Variants in ARHGEF28 observed in about 807,000 individuals in gnomAD.
ARHGEF28 encodes 190 kDa guanine nucleotide exchange factor.
A neutral mutation model predicts 206.6 loss-of-function variants in ARHGEF28; 152 were observed. The ratio of observed to expected loss-of-function variants is 0.74; its 90% CI spans 0.64 to 0.84. The LOEUF is 0.84. Ranked by LOEUF, ARHGEF28 falls within the 40% of genes least tolerant of loss-of-function variation. The pLI is 0.00. For missense variants in ARHGEF28, 2,028 were observed against 2,073.2 expected (o/e 0.98, Z 0.42); for synonymous variants, 763 against 776.4 (o/e 0.98, Z 0.29).
intron 10 of ARHGEF28, among the ~76,000 whole-genome samples, chr5:73,837,310 C>T (rs886640844): frequency 2.6e-5 from 4 of 152,120 alleles, no homozygotes; most frequent in Non-Finnish European, 5.9e-5. Flanking sequence ...GGATATCTTT[C>T]ATATGAATTC....
chr5:73,632,753 T>C (rs1460043951), intron 1 of ARHGEF28, among the ~76,000 whole-genome samples: 3 of 152,178 alleles, frequency 2.0e-5, no homozygotes, highest in Non-Finnish European at 4.4e-5. Flanking sequence ...TCCAATTCAC[T>C]ATTTTCTTTT....
At chr5:73,854,723 T>C (rs1425097349) in intron 14 of ARHGEF28, among the ~76,000 whole-genome samples, 2 of 151,868 alleles carry the variant, frequency 1.3e-5, no homozygotes. Context: ...TCACAGCTAC[T>C]CAGGAGGCTG....
At chr5:73,725,910 C>A in intron 2 of ARHGEF28, among the ~76,000 whole-genome samples, 1 of 152,222 alleles carries the variant, frequency 6.6e-6, no homozygotes, top group Non-Finnish European at 1.5e-5. Flanking sequence ...TAAGTATCAA[C>A]CCTTTATTCT....
At chr5:73,780,397 A>G (rs1244420607) in intron 6 of ARHGEF28, 5 of 399,874 alleles carry the variant, frequency 1.3e-5, no homozygotes, top group African/African-American at 6.1e-5. Context: ...TGGTACATGC[A>G]TGATATTCCT....
intron 9 of ARHGEF28, among the ~76,000 whole-genome samples, chr5:73,801,566 T>C (rs1473660599): frequency 6.6e-6 from 1 of 151,826 alleles, no homozygotes; most frequent in Non-Finnish European, 1.5e-5. Flanking sequence ...TAATAACACA[T>C]GTGTATCTAG....
intron 2 of ARHGEF28, among the ~76,000 whole-genome samples, chr5:73,687,996 A>G (rs923951978): frequency 6.6e-6 from 1 of 152,176 alleles, no homozygotes. Flanking sequence ...AATCCTACTT[A>G]GTTATTTTGA....
chr5:73,909,992 A>G (rs1012898662), intron 34 of ARHGEF28, 95 bp downstream of exon 34: 1 of 1,406,134 alleles, frequency 7.1e-7, no homozygotes, highest in Non-Finnish European at 9.2e-7. Context: ...GTCATTTTGG[A>G]TTTGTGTAAG....
intron 4 of ARHGEF28, among the ~76,000 whole-genome samples, chr5:73,771,355 A>G (rs907357451): frequency 6.6e-6 from 1 of 152,090 alleles, no homozygotes; most frequent in African/African-American, 2.4e-5. Context: ...CCAGACTGGC[A>G]TGGCCAACAT....
At chr5:73,859,774 C>A (rs1759275570) in intron 16 of ARHGEF28, among the ~76,000 whole-genome samples, 2 of 152,130 alleles carry the variant, frequency 1.3e-5, no homozygotes, top group Non-Finnish European at 2.9e-5. Flanking sequence ...TGTTGTTCCA[C>A]CCTTGTGGGT....
intron 2 of ARHGEF28, among the ~76,000 whole-genome samples, chr5:73,714,046 T>C (rs1279416050): frequency 6.6e-6 from 1 of 152,198 alleles, no homozygotes; most frequent in African/African-American, 2.4e-5. Flanking sequence ...TCAAGCTACA[T>C]CTCTTGTATT....
Position 73,941,639 on chromosome 5 carries a change from A to G in ARHGEF28, c.*626A>G, listed in dbSNP as rs1180187556. 1 of 152,264 alleles carries G rather than the reference A, an allele frequency of 6.6e-6. No homozygotes were observed. The highest frequency in any genetic ancestry group is 2.4e-5 in the African/African-American group (1 of 41,444). 9.4% of individuals were successfully genotyped at this position (152,264 alleles called of 1,614,324 possible). ...CTGGTGGGGTTTCAAGACATGGTTC[A>G]GCATCATCTTTTAACAAGGCCCAGA... On this transcript the variant is annotated 3_prime_UTR_variant, in exon 36 of 36. Transcript: ENST00000513042.
chr5:73,720,430 G>A lies in ARHGEF28; in HGVS notation c.34-29407G>A, dbSNP rs566397420. On this transcript the variant is annotated intron_variant, in intron 2 of 35. Transcript: ENST00000513042. ...GACAAAGGAGTAGTCATCAAAAATA[G>A]CAGGCAGAGAGAGGTCAGGAGAGAT... Among the ~76,000 whole-genome samples, 7 of 152,310 alleles carry A rather than the reference G, an allele frequency of 4.6e-5. No homozygotes were observed. In the South Asian group the frequency reaches 1.0e-3, roughly 23 times the overall value.
chr5:73,723,013 G>A (rs1191051220), intron 2 of ARHGEF28, among the ~76,000 whole-genome samples: 2 of 152,078 alleles, frequency 1.3e-5, no homozygotes, highest in Non-Finnish European at 2.9e-5. Context: ...GTAGTATGAA[G>A]ATATATTTTA....
intron 26 of ARHGEF28, among the ~76,000 whole-genome samples, chr5:73,888,737 C>T (rs370631453): frequency 2.9e-4 from 44 of 152,096 alleles, no homozygotes; most frequent in African/African-American, 6.8e-4. Context: ...ACTTAGAGCG[C>T]GCCTGGAAAT....
chr5:73,706,115 A>G (rs900664346), intron 2 of ARHGEF28, among the ~76,000 whole-genome samples: 4 of 152,024 alleles, frequency 2.6e-5, no homozygotes, highest in African/African-American at 9.7e-5. Context: ...CTTGGGCCAC[A>G]CTCCTTCAGG....
At chr5:73,924,243 A>T (rs1763680577) in intron 35 of ARHGEF28, among the ~76,000 whole-genome samples, 1 of 152,220 alleles carries the variant, frequency 6.6e-6, no homozygotes, top group South Asian at 2.1e-4. Context: ...CACTTTATTT[A>T]TACTGAACAA....
chr5:73,749,726 A>G, intron 2 of ARHGEF28, 111 bp from the exon 3 acceptor site: 2 of 1,194,790 alleles, frequency 1.7e-6, no homozygotes. Flanking sequence ...ACTCAACCAC[A>G]TGAAGTGAAC....
chr5:73,921,358 A>G (rs1326167481), intron 35 of ARHGEF28, among the ~76,000 whole-genome samples: 3 of 152,340 alleles, frequency 2.0e-5, no homozygotes, highest in African/African-American at 7.2e-5. Context: ...ACCTTTGACC[A>G]GATGATAAAT....
At chr5:73,918,918 C>T (rs987260313) in intron 35 of ARHGEF28, among the ~76,000 whole-genome samples, 4 of 152,278 alleles carry the variant, frequency 2.6e-5, no homozygotes, top group Admixed American at 2.0e-4. Flanking sequence ...GTGTATCTAA[C>T]ATTCTTCTTA....
Sources: gnomAD v4.1 joint callset for allele counts (sites outside exome capture counted in the v4.1 genomes callset) on GRCh38, gnomAD v4.1.1 for gene constraint, MANE v1.5 for transcripts, NCBI Gene and HGNC (gene_info 2026-07-23, HGNC 2026-07-21) for gene names.